The following SYNE1 variants were observed in gnomAD, a reference collection of about 807,000 sequenced individuals.
SYNE1 encodes nesprin-1.
In SYNE1, 616 loss-of-function variants were observed where a neutral mutation model predicts 1,111.0. The observed-to-expected ratio is 0.55, with a 90% CI of 0.52 to 0.59. The LOEUF (loss-of-function observed/expected upper bound fraction) is 0.59, where lower values mean the gene tolerates loss of function less well. Ranked by LOEUF, SYNE1 falls within the 20% of genes least tolerant of loss-of-function variation. SYNE1 has a pLI of 0.00. For synonymous variants in SYNE1, 3,855 were observed against 3,825.8 expected (o/e 1.01, Z -0.28); for missense variants, 10,006 against 10,417.0 (o/e 0.96, Z 1.72).
Position 152,300,728 on chromosome 6 carries a change from C to T in SYNE1, c.17595G>A (p.Gly5865=). The T allele has an allele frequency of 1.9e-6, 3 of 1,614,178 alleles. No homozygotes were observed. The highest frequency in any genetic ancestry group is 2.5e-6 in the Non-Finnish European group (3 of 1,180,028). The change falls in exon 93 of 146, where the codon GGG becomes GGA. Residue 5865 remains glycine (G), a synonymous_variant. Coordinates refer to ENST00000367255, the MANE Select transcript of SYNE1 (RefSeq NM_182961.4). ...AAATCTCACTGTTGGTTCCCTCCTCCCCAGACTCCTCAGTGACCGGTGACA... is the reference window on the plus strand; with the variant it reads ...AAATCTCACTGTTGGTTCCCTCCTCTCCAGACTCCTCAGTGACCGGTGACA... ...TLLSPVTEES[G]EEGTNSEISS...
At chr6:152,165,335 A>C (rs1232677308) in intron 130 of SYNE1, among the ~76,000 whole-genome samples, 1 of 152,180 alleles carries the variant, frequency 6.6e-6, no homozygotes, top group Non-Finnish European at 1.5e-5. Context: ...TCAATAAATC[A>C]ATGTGTCTCT....
chr6:152,543,188 T>C (rs887643987), intron 3 of SYNE1, among the ~76,000 whole-genome samples: 2 of 152,168 alleles, frequency 1.3e-5, no homozygotes, highest in African/African-American at 4.8e-5. Context: ...TTTAGAATCC[T>C]CAAATTATCT....
chr6:152,170,884 G>C (rs754401655), intron 130 of SYNE1, among the ~76,000 whole-genome samples: 1 of 152,166 alleles, frequency 6.6e-6, no homozygotes. Context: ...GGACCCGATG[G>C]GAGATAATTG....
chr6:152,176,654 C>G, intron 129 of SYNE1, 94 bp from the exon 130 acceptor site: 1 of 1,285,284 alleles, frequency 7.8e-7, no homozygotes, highest in South Asian at 1.2e-5. Context: ...CTGCTTTCTA[C>G]TGCTTGGAAG....
chr6:152,454,342 G>A (rs942047926), intron 24 of SYNE1, among the ~76,000 whole-genome samples: 1 of 152,170 alleles, frequency 6.6e-6, no homozygotes, highest in Non-Finnish European at 1.5e-5. Context: ...TGAGGTCATG[G>A]GGATGGGGTC....
intron 14 of SYNE1, among the ~76,000 whole-genome samples, chr6:152,475,602 T>A (rs1432366896): frequency 6.6e-6 from 1 of 152,192 alleles, no homozygotes; most frequent in African/African-American, 2.4e-5. Flanking sequence ...TACTAGAAGG[T>A]ACATTATTCC....
chr6:152,170,499 C>G (rs901436386), intron 130 of SYNE1, among the ~76,000 whole-genome samples: 1 of 152,202 alleles, frequency 6.6e-6, no homozygotes, highest in Non-Finnish European at 1.5e-5. Flanking sequence ...TAAACTCAGG[C>G]CTCTTGATTA....
intron 87 of SYNE1, chr6:152,315,537 G>C (rs2095693131): frequency 6.6e-6 from 1 of 152,118 alleles, no homozygotes; most frequent in Admixed American, 6.6e-5. Flanking sequence ...CATACATTTT[G>C]CCAATTATTT....
At chr6:152,317,442 C>A (rs1331074640) in intron 86 of SYNE1, among the ~76,000 whole-genome samples, 1 of 151,922 alleles carries the variant, frequency 6.6e-6, no homozygotes, top group African/African-American at 2.4e-5. Flanking sequence ...TCTCAAACTC[C>A]TAGGCTCAAG....
chr6:152,250,451 A>G (rs1363410735), intron 104 of SYNE1, among the ~76,000 whole-genome samples: 1 of 152,158 alleles, frequency 6.6e-6, no homozygotes, highest in Non-Finnish European at 1.5e-5. Flanking sequence ...TAATCGTACC[A>G]AGGAAGAAAA....
At chr6:152,136,447 T>C (rs2152749220) in intron 141 of SYNE1, among the ~76,000 whole-genome samples, 171 bp downstream of exon 141, 1 of 152,332 alleles carries the variant, frequency 6.6e-6, no homozygotes, top group South Asian at 2.1e-4. Context: ...ATCATGAACA[T>C]GTAGAAATGC....
At chr6:152,419,330 T>C (rs935954421) in intron 40 of SYNE1, among the ~76,000 whole-genome samples, 14 of 152,210 alleles carry the variant, frequency 9.2e-5, no homozygotes, top group African/African-American at 2.9e-4. Context: ...TGCTCCACTA[T>C]GAAGAGAAAG....
chr6:152,415,789 T>TAAAAAAAAAAAAAAAAAAAAAAAA (rs1209590450), intron 41 of SYNE1, among the ~76,000 whole-genome samples: 1 of 73,022 alleles, frequency 1.4e-5, no homozygotes, highest in Non-Finnish European at 2.4e-5. Flanking sequence ...TTCAAAGTGG[T>TAAAAAAAAAAAAAAAAAAAAAAAA]AAAAAAAAAA....
intron 87 of SYNE1, among the ~76,000 whole-genome samples, chr6:152,311,638 G>C (rs1234840853): frequency 2.6e-5 from 4 of 152,152 alleles, no homozygotes; most frequent in Admixed American, 2.6e-4. Context: ...AGGGGGAAGA[G>C]GAAAGACATT....
chr6:152,554,370 T>C (rs1023164568), intron 3 of SYNE1, among the ~76,000 whole-genome samples: 3 of 151,730 alleles, frequency 2.0e-5, no homozygotes, highest in African/African-American at 7.3e-5. Flanking sequence ...CAAGAGATGC[T>C]GCCTCCTCCA....
chr6:152,204,085 C>T (rs1023366771), intron 126 of SYNE1, among the ~76,000 whole-genome samples: 3 of 152,108 alleles, frequency 2.0e-5, no homozygotes, highest in South Asian at 4.1e-4. Context: ...AAGATCATCA[C>T]GGGTGCTGTG....
intron 97 of SYNE1, among the ~76,000 whole-genome samples, chr6:152,280,839 C>T (rs141408248): frequency 0.013 from 1,927 of 152,256 alleles, 20 homozygotes; most frequent in Non-Finnish European, 0.02. Context: ...CAAAGAATAA[C>T]AGTGCTTTGG....
chr6:152,136,220 GC>G (rs1162974862), intron 141 of SYNE1, among the ~76,000 whole-genome samples: 2 of 152,160 alleles, frequency 1.3e-5, no homozygotes, highest in Non-Finnish European at 2.9e-5. Context: ...TATGGTGGAC[GC>G]CCAGCAAGTA....
At chr6:152,311,037 A>G in intron 87 of SYNE1, 164 bp from the exon 88 acceptor site, 1 of 697,692 alleles carries the variant, frequency 1.4e-6, no homozygotes, top group Non-Finnish European at 2.5e-6. Context: ...ACTTACTATT[A>G]TAACTATTTC....
Sources: gnomAD v4.1 joint callset for allele counts (sites outside exome capture counted in the v4.1 genomes callset) on GRCh38, gnomAD v4.1.1 for gene constraint, MANE v1.5 for transcripts, NCBI Gene and HGNC (gene_info 2026-07-23, HGNC 2026-07-21) for gene names.